PCDH9: variants seen among roughly 807,000 people sequenced by gnomAD.
The protein encoded by PCDH9 is protocadherin 9, also known as protocadherin-9.
PCDH9 carries 24 observed loss-of-function variants against 70.6 expected under a neutral mutation model. That is an observed-to-expected ratio of 0.34 (90% CI 0.25 to 0.48). The LOEUF (loss-of-function observed/expected upper bound fraction) is 0.48, where lower values mean the gene tolerates loss of function less well. Among genes scored for constraint, PCDH9 ranks in the 20% least tolerant of loss-of-function variants. PCDH9 has a pLI of 0.99. For synonymous variants in PCDH9, 562 were observed against 558.5 expected (o/e 1.01, Z -0.09); for missense variants, 1,281 against 1,503.6 (o/e 0.85, Z 2.45).
chr13:67,183,708 A>G (rs1390566617), intron 2 of PCDH9, among the ~76,000 whole-genome samples: 2 of 152,162 alleles, frequency 1.3e-5, no homozygotes, highest in South Asian at 2.1e-4. Context: ...GATCACTGTT[A>G]TATTTTAAAA....
chr13:66,830,159 T>C (rs1481307412), intron 3 of PCDH9, among the ~76,000 whole-genome samples: 1 of 152,188 alleles, frequency 6.6e-6, no homozygotes, highest in Non-Finnish European at 1.5e-5. Flanking sequence ...AATATAATTT[T>C]AGTAATAGAA....
intron 2 of PCDH9, among the ~76,000 whole-genome samples, chr13:67,178,953 G>A (rs890623534): frequency 1.3e-5 from 2 of 152,000 alleles, no homozygotes; most frequent in African/African-American, 4.8e-5. Context: ...ATAAAACAAT[G>A]CAAAGGCTTA....
chr13:66,697,566 A>G (rs1455648603), intron 3 of PCDH9, among the ~76,000 whole-genome samples: 2 of 152,206 alleles, frequency 1.3e-5, no homozygotes, highest in East Asian at 3.8e-4. Flanking sequence ...AGCATTATTG[A>G]CATTTTGGAC....
At chr13:67,081,272 T>C (rs2085977553) in intron 2 of PCDH9, among the ~76,000 whole-genome samples, 1 of 152,220 alleles carries the variant, frequency 6.6e-6, no homozygotes, top group Admixed American at 6.5e-5. Context: ...TTTTGTTTTG[T>C]GAAACAGTTA....
At chr13:66,529,472 G>A (rs944167862) in intron 4 of PCDH9, among the ~76,000 whole-genome samples, 2 of 152,046 alleles carry the variant, frequency 1.3e-5, no homozygotes, top group African/African-American at 2.4e-5. Context: ...AAAAGGGTCT[G>A]TGTCTTTTTC....
intron 3 of PCDH9, among the ~76,000 whole-genome samples, chr13:66,762,801 C>G (rs114403258): frequency 0.016 from 2,393 of 151,876 alleles, 94 homozygotes; most frequent in African/African-American, 0.055. Flanking sequence ...ATAGACTATA[C>G]CAGGTTATTG....
chr13:67,147,304 T>C (rs915453291), intron 2 of PCDH9, among the ~76,000 whole-genome samples: 1 of 152,232 alleles, frequency 6.6e-6, no homozygotes, highest in African/African-American at 2.4e-5. Flanking sequence ...GTTTTATCTT[T>C]GCAATTATTC....
chr13:66,512,982 C>T (rs9540778), intron 4 of PCDH9, among the ~76,000 whole-genome samples: 123,333 of 151,770 alleles, frequency 0.81, 50,517 homozygotes, highest in East Asian at 0.91. Flanking sequence ...GCACACACAG[C>T]TAGTTTTTGT....
chr13:66,702,883 A>C (rs929988392), intron 3 of PCDH9, among the ~76,000 whole-genome samples: 8 of 152,208 alleles, frequency 5.3e-5, no homozygotes, highest in Admixed American at 2.0e-4. Context: ...GAATGTTTCC[A>C]TCTCCAATTT....
intron 4 of PCDH9, among the ~76,000 whole-genome samples, chr13:66,556,086 T>A (rs1961728741): frequency 6.6e-6 from 1 of 151,790 alleles, no homozygotes; most frequent in Admixed American, 6.6e-5. Context: ...GTCTGTTCTG[T>A]ATCAATTTTA....
intron 4 of PCDH9, among the ~76,000 whole-genome samples, chr13:66,557,927 G>A (rs1961809502): frequency 6.6e-6 from 1 of 151,940 alleles, no homozygotes; most frequent in Non-Finnish European, 1.5e-5. Flanking sequence ...CAAGACTGGA[G>A]GATCGCTTCA....
At chr13:66,824,697 T>TAC (rs2080784519) in intron 3 of PCDH9, among the ~76,000 whole-genome samples, 1 of 99,864 alleles carries the variant, frequency 1.0e-5, no homozygotes, top group African/African-American at 4.4e-5. Flanking sequence ...TATATATATA[T>TAC]GCACACACAC....
At chr13:66,471,278 G>A (rs1299119819) in intron 4 of PCDH9, among the ~76,000 whole-genome samples, 1 of 152,058 alleles carries the variant, frequency 6.6e-6, no homozygotes, top group Non-Finnish European at 1.5e-5. Context: ...ACAACAAAGA[G>A]AACCAATGGT....
At chr13:66,727,615 A>G (rs924312376) in intron 3 of PCDH9, among the ~76,000 whole-genome samples, 1 of 152,114 alleles carries the variant, frequency 6.6e-6, no homozygotes, top group Non-Finnish European at 1.5e-5. Flanking sequence ...TTATGGACGT[A>G]TAGAGAGATA....
chr13:66,594,969 C>T (rs532891917), intron 4 of PCDH9, among the ~76,000 whole-genome samples: 1 of 147,782 alleles, frequency 6.8e-6, no homozygotes, highest in Non-Finnish European at 1.5e-5. Context: ...TCCTCCCCTT[C>T]TTTTTCTTAG....
chr13:66,756,222 T>C (rs2079536358), intron 3 of PCDH9, among the ~76,000 whole-genome samples: 1 of 152,132 alleles, frequency 6.6e-6, no homozygotes, highest in Non-Finnish European at 1.5e-5. Flanking sequence ...TTTAAAATCA[T>C]GAGGAATATA....
chr13:66,395,579 AC>A (rs1223979926), intron 4 of PCDH9, among the ~76,000 whole-genome samples: 3 of 152,014 alleles, frequency 2.0e-5, no homozygotes, highest in Non-Finnish European at 4.4e-5. Context: ...CAGCCTGGTA[AC>A]ATAGTAAGAC....
intron 2 of PCDH9, among the ~76,000 whole-genome samples, chr13:66,995,443 G>C (rs2084093742): frequency 6.6e-6 from 1 of 151,916 alleles, no homozygotes; most frequent in Admixed American, 6.6e-5. Flanking sequence ...CTTGAGTGCT[G>C]GTGCATAAAA....
chr13:66,386,426 G>A (rs945983020), intron 4 of PCDH9, among the ~76,000 whole-genome samples: 2 of 152,078 alleles, frequency 1.3e-5, no homozygotes, highest in Non-Finnish European at 1.5e-5. Context: ...TTTTGGATGG[G>A]GGTTGAACTG....
Sources: allele counts gnomAD v4.1 joint callset (sites outside exome capture counted in the v4.1 genomes callset), GRCh38; gene constraint gnomAD v4.1.1; transcripts MANE v1.5; gene names NCBI Gene and HGNC (gene_info 2026-07-23, HGNC 2026-07-21).